RABGEF1: variants seen among roughly 807,000 people sequenced by gnomAD.
RABGEF1 encodes the protein rab5 GDP/GTP exchange factor.
Under a neutral mutation model 57.3 loss-of-function variants are expected in RABGEF1, and 26 were observed. The observed-to-expected ratio is 0.45, with a 90% CI of 0.33 to 0.63. RABGEF1 has a LOEUF of 0.63. RABGEF1 is among the 20% of genes least tolerant of loss of function. The pLI is 0.02. For synonymous variants in RABGEF1, 185 were observed against 210.7 expected, an observed-to-expected ratio of 0.88 and a Z score of 1.06; for missense variants, 464 against 607.6, an observed-to-expected ratio of 0.76 and a Z score of 2.48.
rs539783155 is a variant in RABGEF1, at chr7:66,775,208, A to G, written c.180-19A>G. The G allele has an allele frequency of 2.9e-5, 47 of 1,602,378 alleles. 1 individual carries two copies. In the Middle Eastern group the frequency reaches 5.1e-4, roughly 17 times the overall value. On this transcript the variant is annotated intron_variant, in intron 2 of 8. Transcript: ENST00000284957. Reference sequence around the variant, plus strand: ...CTTGGAGAATATCTAGGTCATTCTAATCCTCTCTTGAATTGCAGACTCCAG... The same window carrying G: ...CTTGGAGAATATCTAGGTCATTCTAGTCCTCTCTTGAATTGCAGACTCCAG...
intron 2 of RABGEF1, among the ~76,000 whole-genome samples, chr7:66,722,574 T>C (rs1221399420): frequency 6.6e-6 from 1 of 152,258 alleles, no homozygotes; most frequent in Non-Finnish European, 1.5e-5. Context: ...GTGTTGTATC[T>C]AAGAAAACCA....
chr7:66,728,504 A>G (rs1330286294), intron 2 of RABGEF1, among the ~76,000 whole-genome samples: 2 of 142,542 alleles, frequency 1.4e-5, no homozygotes, highest in African/African-American at 5.2e-5. Context: ...CATGACCCAC[A>G]ATGGCATTCC....
the RABGEF1 span, among the ~76,000 whole-genome samples, chr7:66,674,192 C>CCTTTTT: frequency 3.6e-5 from 5 of 139,330 alleles, no homozygotes; most frequent in Non-Finnish European, 3.1e-5. Context: ...CCACTAAAGG[C>CCTTTTT]TTTTTTTTTT....
At chr7:66,782,316 C>T (rs1246959678) in intron 3 of RABGEF1, among the ~76,000 whole-genome samples, 1 of 152,112 alleles carries the variant, frequency 6.6e-6, no homozygotes, top group African/African-American at 2.4e-5. Flanking sequence ...TTCCTAAGCA[C>T]CACTGCTTTG....
intron 2 of RABGEF1, among the ~76,000 whole-genome samples, chr7:66,719,976 T>G (rs1242630383): frequency 6.6e-6 from 1 of 151,870 alleles, no homozygotes; most frequent in East Asian, 1.9e-4. Flanking sequence ...GATTAGCAAA[T>G]CAAACCCAAT....
chr7:66,740,311 G>A (rs1193887555), upstream of RABGEF1: 1 of 152,274 alleles, frequency 6.6e-6, no homozygotes, highest in Admixed American at 6.5e-5. Flanking sequence ...TAGGATCCGC[G>A]AAGGACTGAA....
intron 4 of RABGEF1, among the ~76,000 whole-genome samples, chr7:66,787,543 C>T (rs1033680020): frequency 6.6e-6 from 1 of 152,004 alleles, no homozygotes; most frequent in Non-Finnish European, 1.5e-5. Context: ...TGGGGTGTTA[C>T]TCTGTTAGCC....
chr7:66,674,175 C>G, the RABGEF1 span, among the ~76,000 whole-genome samples: 1 of 150,626 alleles, frequency 6.6e-6, no homozygotes, highest in Admixed American at 6.6e-5. Context: ...GAAATTTGTG[C>G]TTGTGTCCAC....
chr7:66,677,222 A>G (rs1326386060), upstream of RABGEF1, among the ~76,000 whole-genome samples: 3 of 152,222 alleles, frequency 2.0e-5, no homozygotes, highest in Non-Finnish European at 4.4e-5. Context: ...AAATCTAACA[A>G]ACTAGGAATA....
intron 6 of RABGEF1, 84 bp downstream of exon 6, chr7:66,797,590 C>A: frequency 6.9e-7 from 1 of 1,455,326 alleles, no homozygotes; most frequent in Non-Finnish European, 9.4e-7. Flanking sequence ...ACCTGTGTTT[C>A]AAACCTTAAG....
intron 1 of RABGEF1, among the ~76,000 whole-genome samples, chr7:66,756,867 CCTT>C (rs1014370834): frequency 1.1e-4 from 16 of 152,164 alleles, no homozygotes; most frequent in African/African-American, 3.9e-4. Flanking sequence ...CCCTTCCCCT[CCTT>C]CTTCTAACAT....
At chr7:66,680,984 G>C (rs1230559723), upstream of RABGEF1, among the ~76,000 whole-genome samples, 1 of 152,138 alleles carries the variant, frequency 6.6e-6, no homozygotes, top group African/African-American at 2.4e-5. Flanking sequence ...TCGAGAGGCT[G>C]AGGTGGGAGA....
intron 3 of RABGEF1, among the ~76,000 whole-genome samples, chr7:66,782,447 C>T (rs1301139827): frequency 1.3e-5 from 2 of 150,766 alleles, no homozygotes; most frequent in African/African-American, 4.9e-5. Context: ...TAAAACATAG[C>T]ACAGTGTACA....
In RABGEF1 at chr7:66,707,300, A is replaced by G. The variant is rs181782626; in HGVS notation, c.-872-4867A>G. On this transcript the variant is annotated intron_variant and NMD_transcript_variant, in intron 1 of 9. Coordinates refer to the RABGEF1 transcript ENST00000607882. ...TGTGTACTTCAGAAGAATGTGTATC[A>G]TATTGTTGTTGGGTAGGATGTTCTA... is the stretch of plus-strand genomic sequence containing the variant. 1.4e-4 allele frequency among the ~76,000 whole-genome samples: 22 copies of G among 152,276 alleles called. No homozygotes were observed. In the East Asian group the frequency reaches 3.8e-3, roughly 27 times the overall value.
chr7:66,717,671 C>T (rs1795561203), intron 2 of RABGEF1, among the ~76,000 whole-genome samples: 1 of 152,178 alleles, frequency 6.6e-6, no homozygotes, highest in Non-Finnish European at 1.5e-5. Context: ...GAGATCTTCC[C>T]ATCTCAGCCT....
intron 1 of RABGEF1, among the ~76,000 whole-genome samples, chr7:66,771,513 T>C (rs914281408): frequency 6.6e-6 from 1 of 152,184 alleles, no homozygotes; most frequent in African/African-American, 2.4e-5. Flanking sequence ...TGGTGTCATA[T>C]CCTAGAAGTC....
chr7:66,710,187 T>C (rs1584849223), intron 1 of RABGEF1, among the ~76,000 whole-genome samples: 1 of 152,210 alleles, frequency 6.6e-6, no homozygotes, highest in East Asian at 1.9e-4. Flanking sequence ...TGTTCTAAGA[T>C]TCATGCATGT....
rs1378202598 is a variant in RABGEF1, at chr7:66,695,023, C to T, written c.-873+12765C>T. 2.0e-5 allele frequency among the ~76,000 whole-genome samples: 3 copies of T among 152,108 alleles called. No homozygotes were observed. The East Asian group carries it at 5.8e-4, about 29-fold the overall frequency. On this transcript the variant is annotated intron_variant and NMD_transcript_variant, in intron 1 of 9. Transcript: ENST00000607882. ...TGGAGGAATGGCTCAGAAAGAGGACCTTGAGGCCCTGGGTGCGGCAGCTCA... is the reference window on the plus strand; with the variant it reads ...TGGAGGAATGGCTCAGAAAGAGGACTTTGAGGCCCTGGGTGCGGCAGCTCA...
chr7:66,760,997 A>G (rs555019823), intron 1 of RABGEF1, among the ~76,000 whole-genome samples: 5 of 152,218 alleles, frequency 3.3e-5, no homozygotes, highest in African/African-American at 7.2e-5. Context: ...CTGTTATTCT[A>G]TGGTCTCTAC....
Sources: allele counts gnomAD v4.1 joint callset (sites outside exome capture counted in the v4.1 genomes callset), GRCh38; gene constraint gnomAD v4.1.1; transcripts MANE v1.5; gene names NCBI Gene and HGNC (gene_info 2026-07-23, HGNC 2026-07-21).